Variants in TRIM2 observed in about 807,000 individuals in gnomAD.
The protein encoded by TRIM2 is tripartite motif containing 2.
In TRIM2, 20 loss-of-function variants were observed where a neutral mutation model predicts 75.2. The ratio of observed to expected loss-of-function variants is 0.27; its 90% confidence interval spans 0.19 to 0.39. The LOEUF (loss-of-function observed/expected upper bound fraction) is 0.39, where lower values mean the gene tolerates loss of function less well. TRIM2 is among the 10% of genes least tolerant of loss of function. TRIM2 has a pLI of 1.00. For synonymous variants in TRIM2, 373 were observed against 388.3 expected (o/e 0.96, Z 0.46); for missense variants, 660 against 990.8 (o/e 0.67, Z 4.48).
chr4:153,300,281 GCT>G (rs1335249889), intron 6 of TRIM2, among the ~76,000 whole-genome samples: 1 of 151,878 alleles, frequency 6.6e-6, no homozygotes, highest in African/African-American at 2.4e-5. Context: ...ACAGAGTCTT[GCT>G]CTGTTTCCCC....
At chr4:153,294,539 C>A in intron 5 of TRIM2, 54 bp downstream of exon 5, 1 of 1,574,384 alleles carries the variant, frequency 6.4e-7, no homozygotes, top group Non-Finnish European at 8.7e-7. Flanking sequence ...TCCAAGGGCA[C>A]TAGCTTATTG....
chr4:153,263,360 G>C (rs550617461), intron 1 of TRIM2, among the ~76,000 whole-genome samples: 2 of 152,250 alleles, frequency 1.3e-5, no homozygotes, highest in Admixed American at 1.3e-4. Flanking sequence ...ATCACATTGG[G>C]AAGCAGGTAA....
intron 8 of TRIM2, among the ~76,000 whole-genome samples, chr4:153,317,697 T>A (rs1767996459): frequency 6.6e-6 from 1 of 150,956 alleles, no homozygotes; most frequent in Non-Finnish European, 1.5e-5. Context: ...GCATGGTGGC[T>A]CATGCCTGCA....
chr4:153,167,676 A>T (rs1270605325), intron 1 of TRIM2, among the ~76,000 whole-genome samples: 2 of 152,230 alleles, frequency 1.3e-5, no homozygotes, highest in Non-Finnish European at 1.5e-5. Flanking sequence ...GGACAAGTAT[A>T]AAACTATGGG....
chr4:153,295,828 C>A lies in TRIM2; in HGVS notation c.1302C>A (p.Leu434=). ...GGGACTTTACCCTGTCTCTGAGACT[C>A]TATGACCAGCACATCCGAGGCAGCC... ...KEGDFTLSLR[L]YDQHIRGSPF... The change falls in exon 6 of 12, where the codon CTC becomes CTA. Residue 434 remains leucine (L), a synonymous_variant. Transcript: ENST00000338700. The surrounding 1 kb of genome is among the most constrained non-coding windows in gnomAD (Gnocchi z 7.2). 6.2e-7 allele frequency: 1 copy of A among 1,614,140 alleles called. No individual in the cohort carries two copies. Among genetic ancestry groups the A allele is most frequent in the South Asian group, 1.1e-5 (1 of 91,084 alleles).
chr4:153,244,410 TC>T (rs1341201646), intron 1 of TRIM2, among the ~76,000 whole-genome samples: 1,612 of 95,164 alleles, frequency 0.017, 257 homozygotes, highest in African/African-American at 0.055. Flanking sequence ...TTCTTCTTCT[TC>T]TTCTTCTTCT....
At chr4:153,170,712 C>A (rs1322337934) in intron 1 of TRIM2, among the ~76,000 whole-genome samples, 3 of 152,090 alleles carry the variant, frequency 2.0e-5, no homozygotes, top group Non-Finnish European at 2.9e-5. Context: ...TATATGATGT[C>A]CAGATTGAAC....
intron 3 of TRIM2, among the ~76,000 whole-genome samples, chr4:153,283,279 A>G (rs1433559648): frequency 6.6e-6 from 1 of 152,182 alleles, no homozygotes; most frequent in Non-Finnish European, 1.5e-5. Flanking sequence ...TGGATTTGCC[A>G]CTTACGGACA....
At chr4:153,159,296 CTT>C (rs11318531) in intron 1 of TRIM2, among the ~76,000 whole-genome samples, 64 of 89,168 alleles carry the variant, frequency 7.2e-4, no homozygotes, top group African/African-American at 1.8e-3. Context: ...TTTACAAAAT[CTT>C]TTTTTTTTTT....
At chr4:153,154,196 T>C (rs1247023902) in intron 1 of TRIM2, among the ~76,000 whole-genome samples, 1 of 152,220 alleles carries the variant, frequency 6.6e-6, no homozygotes, top group Non-Finnish European at 1.5e-5. Context: ...GTTTAATGTT[T>C]CAAGTGCATT....
chr4:153,267,382 A>AC (rs1397363317), intron 1 of TRIM2, among the ~76,000 whole-genome samples: 2 of 152,120 alleles, frequency 1.3e-5, no homozygotes, highest in African/African-American at 2.4e-5. Context: ...TAATAGTGTG[A>AC]CCCCTCATGC....
intron 1 of TRIM2, among the ~76,000 whole-genome samples, chr4:153,173,823 C>T (rs1024317957): frequency 1.3e-5 from 2 of 149,416 alleles, no homozygotes; most frequent in African/African-American, 2.5e-5. Flanking sequence ...AAAAATCAGC[C>T]GGGTGTGGTG....
chr4:153,155,915 G>C (rs1040464136), intron 1 of TRIM2, among the ~76,000 whole-genome samples: 2 of 152,226 alleles, frequency 1.3e-5, no homozygotes, highest in African/African-American at 2.4e-5. Context: ...GATATCCAAG[G>C]AGGGCCAGGA....
chr4:153,264,210 T>C (rs1310048705), intron 1 of TRIM2, among the ~76,000 whole-genome samples: 2 of 152,238 alleles, frequency 1.3e-5, no homozygotes, highest in African/African-American at 2.4e-5. Context: ...CCTCAGCTAG[T>C]CTTCCATATG....
intron 1 of TRIM2, among the ~76,000 whole-genome samples, chr4:153,198,329 T>C (rs1250376993): frequency 6.6e-6 from 1 of 151,914 alleles, no homozygotes; most frequent in Non-Finnish European, 1.5e-5. Flanking sequence ...ATCATGGAGG[T>C]TGGTCTTTAC....
At chr4:153,269,091 A>G (rs752078214) in intron 1 of TRIM2, among the ~76,000 whole-genome samples, 5 of 152,174 alleles carry the variant, frequency 3.3e-5, no homozygotes, top group Non-Finnish European at 7.4e-5. Flanking sequence ...GCCCTCCTAG[A>G]GTATGTGCCT....
At chr4:153,293,649 C>G (rs999635085) in intron 4 of TRIM2, among the ~76,000 whole-genome samples, 2 of 152,064 alleles carry the variant, frequency 1.3e-5, no homozygotes, top group Non-Finnish European at 2.9e-5. Flanking sequence ...TGAAAAAGAC[C>G]AAAGAGAGGA....
intron 1 of TRIM2, among the ~76,000 whole-genome samples, chr4:153,177,167 A>G (rs1200007337): frequency 6.6e-6 from 1 of 152,216 alleles, no homozygotes; most frequent in African/African-American, 2.4e-5. Context: ...CAGGAAGGGA[A>G]AGGCTTGAAG....
chr4:153,208,563 C>A (rs576273549), intron 1 of TRIM2, among the ~76,000 whole-genome samples: 1 of 152,166 alleles, frequency 6.6e-6, no homozygotes, highest in South Asian at 2.1e-4. Flanking sequence ...AAGACCAGAA[C>A]ATAGGTCAAA....
Sources: allele counts gnomAD v4.1 joint callset (sites outside exome capture counted in the v4.1 genomes callset), GRCh38; gene constraint gnomAD v4.1.1; non-coding constraint Gnocchi (gnomAD v3.1); transcripts MANE v1.5; gene names NCBI Gene and HGNC (gene_info 2026-07-23, HGNC 2026-07-21).